The following SYN3 variants were observed in gnomAD, a reference collection of about 807,000 sequenced individuals.
SYN3 encodes the protein synapsin III, also known as synapsin-3.
SYN3 carries 35 observed loss-of-function variants against 65.8 expected under a neutral mutation model. The observed-to-expected ratio is 0.53, with a 90% CI of 0.41 to 0.70. The LOEUF is 0.70. Among genes scored for constraint, SYN3 ranks in the 30% least tolerant of loss-of-function variants. The pLI is 0.00. For synonymous variants in SYN3, 270 were observed against 292.9 expected (o/e 0.92, Z 0.80); for missense variants, 680 against 749.0 (o/e 0.91, Z 1.08).
At position 32,508,051 on chromosome 22, in the gene SYN3, T is replaced by C. The variant is rs191848529; in HGVS notation, c.*5641A>G. Among the ~76,000 whole-genome samples the C allele has an allele frequency of 2.4e-3, 360 of 152,236 alleles. 1 individual carries two copies. The highest frequency in any genetic ancestry group is 3.8e-3 in the Non-Finnish European group (259 of 68,022). The stretch of plus-strand genomic sequence containing the variant: ...ACACTATTTTGTTTTATTTTTCTTA[T>C]TAATATAAGAAGGCAGGAATGTCAG... On this transcript the variant is annotated 3_prime_UTR_variant, in exon 14 of 14. Transcript: ENST00000358763.
At chr22:32,857,211 TG>T in intron 6 of SYN3, 2 of 1,535,728 alleles carry the variant, frequency 1.3e-6, no homozygotes, top group Non-Finnish European at 1.8e-6. Flanking sequence ...GTGTCCAAAC[TG>T]GGAAAGAAGA....
chr22:32,994,678 T>C (rs2145736482), intron 2 of SYN3, among the ~76,000 whole-genome samples: 1 of 151,984 alleles, frequency 6.6e-6, no homozygotes, highest in African/African-American at 2.4e-5. Flanking sequence ...TGACTTGGAG[T>C]CGGCACCTCA....
chr22:32,586,013 CGTATATATGTATGT>C (rs2059027687), intron 7 of SYN3, among the ~76,000 whole-genome samples: 1 of 117,056 alleles, frequency 8.5e-6, no homozygotes, highest in Non-Finnish European at 1.8e-5. Flanking sequence ...TGTATGTATA[CGTATATATGTATGT>C]ATGTATATAT....
Sources: gnomAD v4.1 joint callset for allele counts (sites outside exome capture counted in the v4.1 genomes callset) on GRCh38, gnomAD v4.1.1 for gene constraint, MANE v1.5 for transcripts, NCBI Gene and HGNC (gene_info 2026-07-23, HGNC 2026-07-21) for gene names.